Variants in FIBCD1 observed in about 807,000 individuals in gnomAD.
FIBCD1 encodes fibrinogen C domain containing 1.
Under a neutral mutation model 45.1 loss-of-function variants are expected in FIBCD1, and 47 were observed. The ratio of observed to expected loss-of-function variants is 1.04; its 90% CI spans 0.82 to 1.33. FIBCD1 has a LOEUF of 1.33. FIBCD1 is among the 40% of genes most tolerant of loss of function. The pLI, the probability that FIBCD1 is intolerant of heterozygous loss-of-function variation, is 0.00. For synonymous variants in FIBCD1, 313 were observed against 308.1 expected, an observed-to-expected ratio of 1.02 and a Z score of -0.17; for missense variants, 653 against 682.2, an observed-to-expected ratio of 0.96 and a Z score of 0.48.
chr9:130,929,628 C>T lies in FIBCD1; in HGVS notation c.491G>A (p.Gly164Glu). 1.2e-5 allele frequency: 19 copies of T among 1,551,814 alleles called. No homozygotes were observed. Among genetic ancestry groups the T allele is most frequent in the Non-Finnish European group, 1.6e-5 (19 of 1,152,044 alleles). Residue 164 changes from glycine to glutamate, a missense_variant, in exon 2 of 7, where the codon GGG becomes GAG. Gly to Glu is a moderately conservative substitution (Grantham distance 98). Coordinates refer to ENST00000372338, the MANE Select transcript of FIBCD1 (RefSeq NM_032843.5). ...LQTECMGLRKGHGTLGQGLSA... is the reference protein window; with the variant it reads ...LQTECMGLRKEHGTLGQGLSA... ...GAGGCCCTGGCCCAGCGTGCCATGC[C>T]CCTTCCGCAGCCCCATGCACTCCGT...
chr9:130,912,496 C>T (rs1366079466), intron 4 of FIBCD1, among the ~76,000 whole-genome samples: 2 of 151,164 alleles, frequency 1.3e-5, no homozygotes, highest in East Asian at 3.9e-4. Flanking sequence ...CACCTGAGGT[C>T]AGGAGTTCGA....
intron 1 of FIBCD1, among the ~76,000 whole-genome samples, chr9:130,930,395 TGGGGAGATGCGG>T: frequency 8.3e-6 from 1 of 120,396 alleles, no homozygotes; most frequent in East Asian, 2.3e-4. Context: ...CGGGGAGACA[TGGGGAGATGCGG>T]GGAGACGCGG....
chr9:130,918,593 C>T (rs1328102542), intron 4 of FIBCD1, among the ~76,000 whole-genome samples: 1 of 152,196 alleles, frequency 6.6e-6, no homozygotes, highest in Admixed American at 6.5e-5. Flanking sequence ...GGGGTCCTGG[C>T]AGAGGAGGAT....
intron 4 of FIBCD1, among the ~76,000 whole-genome samples, chr9:130,916,506 G>A (rs542936486): frequency 3.5e-4 from 53 of 152,346 alleles, no homozygotes; most frequent in South Asian, 2.1e-4. Flanking sequence ...TGCAAGTGCC[G>A]AGCACGGCCC....
At chr9:130,919,211 C>A (rs897745500) in intron 4 of FIBCD1, among the ~76,000 whole-genome samples, 1 of 152,236 alleles carries the variant, frequency 6.6e-6, no homozygotes, top group African/African-American at 2.4e-5. Context: ...CACGGAGGCA[C>A]GCTTTCTTTG....
chr9:130,924,752 A>G (rs1466218787), intron 2 of FIBCD1, among the ~76,000 whole-genome samples: 1 of 152,092 alleles, frequency 6.6e-6, no homozygotes, highest in Non-Finnish European at 1.5e-5. Context: ...AGGTGGGGAG[A>G]GAGTGCCCCG....
rs370732665 is a variant in FIBCD1, at chr9:130,924,360, C to G, written c.589G>C (p.Val197Leu). Residue 197 changes from valine (V) to leucine (L), a missense_variant, in exon 3 of 7, where the codon GTG (valine) becomes CTG (leucine). Transcript: ENST00000372338. ...TCCAGGATGTCGCTGACGGAGTTCA[C>G]CAGGTGAGCCATGTGGCCCTGGCTC... ...SESQGHMAHL[V>L]NSVSDILDAL... The G allele has an allele frequency of 2.5e-4, 410 of 1,609,614 alleles. 1 individual carries two copies. Among genetic ancestry groups the G allele is most frequent in the Non-Finnish European group, 3.4e-4 (400 of 1,179,154 alleles).
chr9:130,906,236 T>TA (rs1349728447), intron 5 of FIBCD1, among the ~76,000 whole-genome samples: 24 of 152,178 alleles, frequency 1.6e-4, no homozygotes, highest in Non-Finnish European at 7.4e-5. Context: ...ACCATACACA[T>TA]ACGTGCTCAG....
At chr9:130,911,705 C>T (rs1197171606) in intron 5 of FIBCD1, 87 bp downstream of exon 5, 6 of 1,248,768 alleles carry the variant, frequency 4.8e-6, no homozygotes, top group African/African-American at 3.0e-5. Flanking sequence ...CAGCCCAAAC[C>T]CATTCAGGGA....
chr9:130,911,994 T>C (rs1189191829), intron 4 of FIBCD1, 106 bp from the exon 5 acceptor site: 1 of 980,652 alleles, frequency 1.0e-6, no homozygotes, highest in Non-Finnish European at 1.5e-6. Context: ...GCTCCCAACC[T>C]GCCCTCTCGG....
At chr9:130,939,802 G>T (rs1469397633), upstream of FIBCD1, among the ~76,000 whole-genome samples, 1 of 152,048 alleles carries the variant, frequency 6.6e-6, no homozygotes, top group Non-Finnish European at 1.5e-5. Flanking sequence ...CATTTAATCC[G>T]CCCGGAGCGG....
intron 1 of FIBCD1, among the ~76,000 whole-genome samples, chr9:130,936,584 G>A (rs920938866): frequency 5.3e-5 from 8 of 152,254 alleles, no homozygotes; most frequent in East Asian, 1.9e-4. Context: ...GGCCCGGCCT[G>A]GAGGCCTTGA....
chr9:130,933,286 G>C (rs544580523), intron 1 of FIBCD1, among the ~76,000 whole-genome samples: 1 of 152,206 alleles, frequency 6.6e-6, no homozygotes, highest in East Asian at 1.9e-4. Flanking sequence ...GGCTCTGGGC[G>C]CTGAGCAGCC....
At position 130,929,773 on chromosome 9, in the gene FIBCD1, G is replaced by A. The variant is rs112362080; in HGVS notation, c.346C>T (p.Leu116=). The part of the protein sequence containing the change: ...ARLESAQASV[L]QALTEHQAQP... ...GCCTGGTGCTCTGTCAGCGCCTGCA[G>A]CACCGAGGCCTGGGCGCTCTCCAGG... The change falls in exon 2 of 7, where the codon CTG becomes TTG. Residue 116 remains leucine, a synonymous_variant. Transcript: ENST00000372338. 2.6e-6 allele frequency: 4 copies of A among 1,558,428 alleles called. No individual in the cohort carries two copies. Among genetic ancestry groups the A allele is most frequent in the Non-Finnish European group, 3.5e-6 (4 of 1,151,464 alleles).
chr9:130,927,873 C>A (rs1282191443), intron 2 of FIBCD1, among the ~76,000 whole-genome samples: 2 of 152,174 alleles, frequency 1.3e-5, no homozygotes, highest in Admixed American at 6.5e-5. Flanking sequence ...GTTGGCCAGG[C>A]TGGTTTTGAA....
At position 130,924,400 on chromosome 9, in the gene FIBCD1, C is replaced by G. The variant is rs374186246; in HGVS notation, c.553-4G>C. 6.2e-7 allele frequency: 1 copy of G among 1,604,722 alleles called. No homozygotes were observed. Among genetic ancestry groups the G allele is most frequent in the South Asian group, 1.1e-5 (1 of 89,046 alleles). Reference sequence around the variant, plus strand: ...GGCCCTGGCTCTCAGAGAGAAGCTGCGGAGCACAGGGGGTGAGCCGAGGGG... The same window carrying G: ...GGCCCTGGCTCTCAGAGAGAAGCTGGGGAGCACAGGGGGTGAGCCGAGGGG... On this transcript the variant is annotated splice_region_variant and splice_polypyrimidine_tract_variant and intron_variant, in intron 2 of 6. Transcript: ENST00000372338.
At chr9:130,916,130 G>A (rs901971886) in intron 4 of FIBCD1, among the ~76,000 whole-genome samples, 4 of 152,202 alleles carry the variant, frequency 2.6e-5, no homozygotes, top group South Asian at 4.1e-4. Context: ...GGGCTTTCAC[G>A]ATCTTGGCCA....
intron 4 of FIBCD1, among the ~76,000 whole-genome samples, chr9:130,912,234 C>T (rs1032872384): frequency 3.3e-5 from 5 of 151,820 alleles, no homozygotes; most frequent in Admixed American, 2.0e-4. Flanking sequence ...AGTGAGACCC[C>T]ATCTTTACAA....
chr9:130,930,270 G>C (rs1437593249), intron 1 of FIBCD1, among the ~76,000 whole-genome samples: 1 of 152,174 alleles, frequency 6.6e-6, no homozygotes, highest in Admixed American at 6.5e-5. Context: ...AGCGCCTCAG[G>C]GAGAAAGTGG....
Sources: allele counts gnomAD v4.1 joint callset (sites outside exome capture counted in the v4.1 genomes callset), GRCh38; gene constraint gnomAD v4.1.1; transcripts MANE v1.5; gene names NCBI Gene and HGNC (gene_info 2026-07-23, HGNC 2026-07-21).